The following DPH7 variants were observed in gnomAD, a reference collection of about 807,000 sequenced individuals.
DPH7 encodes the protein diphthine methyltransferase.
In DPH7, 44 loss-of-function variants were observed where a neutral mutation model predicts 41.7. That is an observed-to-expected ratio of 1.05 (90% CI 0.83 to 1.36). DPH7 has a LOEUF of 1.36. Ranked by LOEUF, DPH7 falls within the 40% of genes most tolerant of loss-of-function variation. DPH7 has a pLI of 0.00. For missense variants in DPH7, 629 were observed against 577.5 expected (o/e 1.09, Z -0.91); for synonymous variants, 275 against 238.0 (o/e 1.16, Z -1.43).
intron 8 of DPH7, among the ~76,000 whole-genome samples, chr9:137,562,130 C>T (rs939147178): frequency 6.6e-6 from 1 of 152,196 alleles, no homozygotes; most frequent in Non-Finnish European, 1.5e-5. Context: ...TCCCAAAGTA[C>T]TGGGATTACA....
At chr9:137,557,453 C>G (rs1837712296) in intron 8 of DPH7, among the ~76,000 whole-genome samples, 1 of 151,958 alleles carries the variant, frequency 6.6e-6, no homozygotes, top group South Asian at 2.1e-4. Flanking sequence ...TTGCATGAGC[C>G]AAGATCGTGC....
chr9:137,572,761 G>A (rs1170536627), intron 5 of DPH7, among the ~76,000 whole-genome samples: 2 of 152,102 alleles, frequency 1.3e-5, no homozygotes, highest in South Asian at 2.1e-4. Flanking sequence ...TGCCCCAAAT[G>A]CAAACCATTC....
chr9:137,563,215 T>C (rs1005256781), intron 8 of DPH7, among the ~76,000 whole-genome samples: 1 of 151,332 alleles, frequency 6.6e-6, no homozygotes, highest in African/African-American at 2.4e-5. Context: ...ACAGAAGAGA[T>C]GGAGAAACTA....
rs755929851 is a variant in DPH7 at position 137,564,555 on chromosome 9, C to T, written c.828G>A (p.Leu276=). The T allele has an allele frequency of 9.2e-5, 148 of 1,613,980 alleles. No individual in the cohort carries two copies. The highest frequency in any genetic ancestry group is 1.6e-4 in the Middle Eastern group (1 of 6,084). Residue 276 remains leucine, a synonymous_variant, in exon 8 of 9, where the codon TTG becomes TTA. Coordinates refer to ENST00000277540, the MANE Select transcript of DPH7 (RefSeq NM_138778.5). ...CCCCACCCTGCACAGGCGTATCTGCCAACGGCTGCTTCATGTTTCGTGTGT... is the reference window on the plus strand; with the variant it reads ...CCCCACCCTGCACAGGCGTATCTGCTAACGGCTGCTTCATGTTTCGTGTGT... ...LWDTRNMKQP[L]ADTPVQGGVW...
chr9:137,576,272 G>T, intron 2 of DPH7, 105 bp from the exon 3 acceptor site: 1 of 986,630 alleles, frequency 1.0e-6, no homozygotes, highest in Non-Finnish European at 1.6e-6. Context: ...CGGGGCTGCA[G>T]TCCACGCAAA....
intron 1 of DPH7, chr9:137,578,078 G>C: frequency 2.5e-6 from 2 of 805,844 alleles, no homozygotes; most frequent in Non-Finnish European, 3.0e-6. Context: ...AGCTACTCAG[G>C]GGGTTGAGGC....
intron 1 of DPH7, chr9:137,578,079 G>C (rs1184662917): frequency 1.3e-6 from 1 of 760,426 alleles, no homozygotes; most frequent in Non-Finnish European, 1.6e-6. Context: ...GCTACTCAGG[G>C]GGTTGAGGCG....
chr9:137,578,600 C>G (rs1841861309), intron 1 of DPH7, 25 bp downstream of exon 1: 1 of 1,458,572 alleles, frequency 6.9e-7, no homozygotes, highest in Admixed American at 2.5e-5. Context: ...CCCGCCCTCC[C>G]CTCCCGAAGC....
chr9:137,577,463 G>A lies in DPH7; in HGVS notation c.287+7C>T. On this transcript the variant is annotated splice_region_variant and intron_variant, in intron 2 of 8. Coordinates refer to ENST00000277540, the MANE Select transcript of DPH7 (RefSeq NM_138778.5). The stretch of plus-strand genomic sequence containing the variant: ...TTCTACACCCAGTGGGATTATCACA[G>A]TTATACCATTTCATGTCCAGGATTG... The A allele has an allele frequency of 1.2e-6, 2 of 1,613,802 alleles. No homozygotes were observed. The highest frequency in any genetic ancestry group is 1.7e-6 in the Non-Finnish European group (2 of 1,179,842).
intron 4 of DPH7, 165 bp from the exon 5 acceptor site, chr9:137,574,545 C>A (rs935961289): frequency 1.7e-5 from 15 of 861,334 alleles, no homozygotes; most frequent in Non-Finnish European, 2.7e-5. Context: ...TTGTCAAAGA[C>A]ACCAGTGTCG....
At chr9:137,557,199 C>G (rs1837664167) in intron 8 of DPH7, among the ~76,000 whole-genome samples, 1 of 152,234 alleles carries the variant, frequency 6.6e-6, no homozygotes, top group Non-Finnish European at 1.5e-5. Flanking sequence ...CCACCGCACC[C>G]AGACAATACA....
chr9:137,574,414 G>A, intron 4 of DPH7, 34 bp from the exon 5 acceptor site: 1 of 1,603,406 alleles, frequency 6.2e-7, no homozygotes, highest in Non-Finnish European at 8.5e-7. Flanking sequence ...AAGCCCGGCA[G>A]AATGTTATTC....
At chr9:137,575,915 G>A (rs1283242939) in intron 3 of DPH7, 165 bp downstream of exon 3, 4 of 1,425,000 alleles carry the variant, frequency 2.8e-6, no homozygotes, top group East Asian at 5.1e-5. Context: ...GATGTAGAAC[G>A]CAATACAACT....
chr9:137,577,273 C>T (rs1022193790), intron 2 of DPH7, among the ~76,000 whole-genome samples, 197 bp downstream of exon 2: 60 of 152,164 alleles, frequency 3.9e-4, no homozygotes, highest in African/African-American at 1.4e-3. Flanking sequence ...AAACTCCCAT[C>T]ACTTCCCCGG....
At chr9:137,564,833 G>C in intron 7 of DPH7, 60 bp downstream of exon 7, 2 of 1,543,620 alleles carry the variant, frequency 1.3e-6, no homozygotes, top group East Asian at 2.4e-5. Context: ...GAAGGGCCCA[G>C]GAGCCCCCCG....
At chr9:137,576,476 A>C (rs770371886) in intron 2 of DPH7, 1 of 312,546 alleles carries the variant, frequency 3.2e-6, no homozygotes, top group Non-Finnish European at 6.2e-6. Flanking sequence ...GGTGGCTCAC[A>C]CTTGTAACCC....
chr9:137,569,604 C>A (rs563887549), intron 5 of DPH7, among the ~76,000 whole-genome samples: 1 of 142,162 alleles, frequency 7.0e-6, no homozygotes, highest in South Asian at 2.4e-4. Context: ...TCAAGCCAGC[C>A]AGCCAGCCAC....
intron 5 of DPH7, among the ~76,000 whole-genome samples, chr9:137,569,536 T>C (rs1364844919): frequency 1.3e-4 from 6 of 47,772 alleles, no homozygotes; most frequent in Non-Finnish European, 1.8e-4. Context: ...TCCAACAATC[T>C]ACCATCCATC....
intron 5 of DPH7, among the ~76,000 whole-genome samples, chr9:137,573,169 G>C (rs1449516647): frequency 6.6e-6 from 1 of 151,830 alleles, no homozygotes; most frequent in African/African-American, 2.4e-5. Context: ...AGACCACCCT[G>C]GCTAACACAG....
Sources: gnomAD v4.1 joint callset for allele counts (sites outside exome capture counted in the v4.1 genomes callset) on GRCh38, gnomAD v4.1.1 for gene constraint, MANE v1.5 for transcripts, NCBI Gene and HGNC (gene_info 2026-07-23, HGNC 2026-07-21) for gene names.